Variants in HMX1 observed in about 807,000 individuals in gnomAD.
The protein encoded by HMX1 is homeobox protein HMX1.
Under a neutral mutation model 8.9 loss-of-function variants are expected in HMX1, and 8 were observed. The ratio of observed to expected loss-of-function variants is 0.90; its 90% CI spans 0.53 to 1.63. HMX1 has a LOEUF of 1.63. HMX1 is among the 40% of genes most tolerant of loss of function. The pLI is 0.00. For missense variants in HMX1, 621 were observed against 558.5 expected, an observed-to-expected ratio of 1.11 and a Z score of -1.13; for synonymous variants, 311 against 283.4, an observed-to-expected ratio of 1.10 and a Z score of -0.98.
intron 1 of HMX1, among the ~76,000 whole-genome samples, chr4:8,860,080 T>C (rs372039766): frequency 6.6e-6 from 1 of 152,144 alleles, no homozygotes; most frequent in Non-Finnish European, 1.5e-5. Flanking sequence ...CGAAGCCGAG[T>C]TCGTGGAGCG....
downstream of HMX1, among the ~76,000 whole-genome samples, chr4:8,866,549 C>A (rs1020345344): frequency 1.4e-4 from 22 of 152,256 alleles, no homozygotes; most frequent in East Asian, 3.8e-4. Flanking sequence ...CAGCTTTGTC[C>A]ACCACCTGAG....
intron 1 of HMX1, among the ~76,000 whole-genome samples, chr4:8,846,889 C>A (rs921935791): frequency 6.6e-6 from 1 of 152,214 alleles, no homozygotes; most frequent in Non-Finnish European, 1.5e-5. Context: ...CCCCTGATCT[C>A]CAGCATGTTG....
At position 8,849,447 on chromosome 4, in the gene HMX1, G is replaced by A. The variant is rs1721376066; in HGVS notation, c.395-3123C>T. Among the ~76,000 whole-genome samples the A allele has an allele frequency of 6.6e-6, 1 of 152,026 alleles. No homozygotes were observed. The highest frequency in any genetic ancestry group is 6.5e-5 in the Admixed American group (1 of 15,278). On this transcript the variant is annotated intron_variant, in intron 1 of 1. Coordinates refer to the HMX1 transcript ENST00000506970. This position sits in a 1 kb window ranked among gnomAD's most constrained non-coding sequence, Gnocchi z 6.6. The stretch of plus-strand genomic sequence containing the variant: ...GGCCTTGAGCCACAGATTGCCAGAT[G>A]CCATCAGAAGCTGGAGGGGGCAGGA...
At chr4:8,857,822 TTGCCCC>T (rs1318097323) in intron 1 of HMX1, among the ~76,000 whole-genome samples, 2 of 151,682 alleles carry the variant, frequency 1.3e-5, no homozygotes, top group Non-Finnish European at 2.9e-5. Context: ...CCCCTTGCCC[TTGCCCC>T]TGCCCAGAGA....
intron 1 of HMX1, among the ~76,000 whole-genome samples, chr4:8,859,335 C>G (rs1721718887): frequency 6.6e-6 from 1 of 152,168 alleles, no homozygotes; most frequent in African/African-American, 2.4e-5. Context: ...TCTCTAGTCC[C>G]GATTGACAGC....
chr4:8,849,582 T>A lies in HMX1; in HGVS notation c.395-3258A>T, dbSNP rs181201908. Reference sequence around the variant, plus strand: ...AAACATTTCAATTGTCTGAAGCCCATTGCCTGTGGCCCTTGGTCCCGGCAG... The same window carrying A: ...AAACATTTCAATTGTCTGAAGCCCAATGCCTGTGGCCCTTGGTCCCGGCAG... On this transcript the variant is annotated intron_variant, in intron 1 of 1. Transcript: ENST00000506970. The surrounding 1 kb of genome is among the most constrained non-coding windows in gnomAD (Gnocchi z 6.6). 1.2e-4 allele frequency among the ~76,000 whole-genome samples: 18 copies of A among 152,238 alleles called. No individual in the cohort carries two copies. In the East Asian group the frequency reaches 3.5e-3, roughly 30 times the overall value.
intron 1 of HMX1, among the ~76,000 whole-genome samples, chr4:8,859,265 A>G (rs1400113093): frequency 1.3e-5 from 2 of 150,828 alleles, no homozygotes; most frequent in Non-Finnish European, 2.9e-5. Context: ...ATTCTTGTCT[A>G]TATAAACAGT....
intron 1 of HMX1, chr4:8,846,460 G>C (rs769942653): frequency 2.7e-5 from 17 of 626,230 alleles, no homozygotes; most frequent in Non-Finnish European, 4.3e-5. Context: ...CAAACTACAG[G>C]GACCTAGGAC....
chr4:8,868,300 G>T lies in HMX1; in HGVS notation c.440C>A (p.Ala147Glu), dbSNP rs1434976169. 1.5e-5 allele frequency: 21 copies of T among 1,439,412 alleles called. No individual in the cohort carries two copies. The highest frequency in any genetic ancestry group is 1.8e-5 in the Non-Finnish European group (20 of 1,101,850). 89.2% of individuals were successfully genotyped at this position (1,439,412 alleles called of 1,614,324 possible). A position where few individuals can be genotyped will look rare whatever the true frequency, so the allele number is the denominator to read the frequency against. The change falls in exon 2 of 2, where the codon GCG becomes GAG. Residue 147 changes from alanine to glutamate, a missense_variant. Coordinates refer to ENST00000400677, the MANE Select transcript of HMX1 (RefSeq NM_018942.3). The surrounding 1 kb of genome is among the most constrained non-coding windows in gnomAD (Gnocchi z 4.6). The part of the protein sequence containing the change: ...SPETGEEMGR[A>E]EGAWPRGPGP... ...GGGGCCTCGCGGCCAGGCGCCCTCC[G>T]CACGGCCCATCTCCTCGCCCGTCTC... is the stretch of plus-strand genomic sequence containing the variant.
intron 1 of HMX1, chr4:8,860,584 G>A (rs140952541): frequency 0.2 from 30,016 of 152,392 alleles, 3,805 homozygotes; most frequent in East Asian, 0.61. Context: ...GAAGGGGCCA[G>A]GCGGCAGAGA....
intron 1 of HMX1, among the ~76,000 whole-genome samples, chr4:8,851,459 A>G (rs1230624350): frequency 6.6e-6 from 1 of 152,098 alleles, no homozygotes; most frequent in African/African-American, 2.4e-5. Context: ...CAGCCAGCAC[A>G]TTACTCCTAG....
intron 1 of HMX1, among the ~76,000 whole-genome samples, chr4:8,869,639 C>T (rs1183386078): frequency 6.6e-6 from 1 of 152,214 alleles, no homozygotes; most frequent in African/African-American, 2.4e-5. Flanking sequence ...GGTGTGTGCC[C>T]TCACAGCACC....
chr4:8,870,186 C>T lies in HMX1; in HGVS notation c.394+1035G>A, dbSNP rs1261966933. 2.6e-5 allele frequency among the ~76,000 whole-genome samples: 4 copies of T among 151,466 alleles called. No individual in the cohort carries two copies. The highest frequency in any genetic ancestry group is 7.3e-5 in the African/African-American group (3 of 41,120). On this transcript the variant is annotated intron_variant, in intron 1 of 1. Transcript: ENST00000400677. The surrounding 1 kb of genome is among the most constrained non-coding windows in gnomAD (Gnocchi z 4.4). ...AGAGCCGGAGCCTGCAGAGGGCCCA[C>T]GTCCTCAGCTGGCCTCAAGGTCCAA...
intron 1 of HMX1, among the ~76,000 whole-genome samples, chr4:8,852,994 A>T (rs916225414): frequency 1.3e-5 from 2 of 152,090 alleles, no homozygotes; most frequent in African/African-American, 4.8e-5. Context: ...GGCCAAAAAA[A>T]AAAAAGCAAG....
At position 8,849,075 on chromosome 4, in the gene HMX1, C is replaced by T. The variant is rs542432251; in HGVS notation, c.395-2751G>A. Among the ~76,000 whole-genome samples the T allele has an allele frequency of 5.9e-5, 9 of 152,162 alleles. No homozygotes were observed. Among genetic ancestry groups the T allele is most frequent in the African/African-American group, 9.6e-5 (4 of 41,544 alleles). On this transcript the variant is annotated intron_variant, in intron 1 of 1. Transcript: ENST00000506970. The surrounding 1 kb of genome is among the most constrained non-coding windows in gnomAD (Gnocchi z 6.6). ...CTCCTCCCCCTGCCCGCTGCTCCAT[C>T]GTGGACGTCTTCTCTCAGAGCCTCG...
Position 8,867,124 on chromosome 4 carries a change from C to G in HMX1, c.*569G>C, listed in dbSNP as rs906817764. 2 of 985,548 alleles carry G rather than the reference C, an allele frequency of 2.0e-6. No individual in the cohort carries two copies. Among genetic ancestry groups the G allele is most frequent in the African/African-American group, 1.7e-5 (1 of 57,388 alleles). 61.1% of individuals were successfully genotyped at this position (985,548 alleles called of 1,614,324 possible). On this transcript the variant is annotated 3_prime_UTR_variant, in exon 2 of 2. Transcript: ENST00000400677. The stretch of plus-strand genomic sequence containing the variant: ...AAAAACAACAACCCGGAGGCTGCGA[C>G]GTCTGCAGAGAGCCCCAGCCTGCCT...
chr4:8,866,780 C>G (rs1011590369), downstream of HMX1, among the ~76,000 whole-genome samples: 1 of 152,232 alleles, frequency 6.6e-6, no homozygotes. Flanking sequence ...TCCTGCCTTT[C>G]GGTTTCAGTC....
rs1721342838 is a variant in HMX1, at chr4:8,848,556, G to A, written c.395-2232C>T. Among the ~76,000 whole-genome samples the A allele has an allele frequency of 6.6e-6, 1 of 152,174 alleles. No homozygotes were observed. Among genetic ancestry groups the A allele is most frequent in the South Asian group, 2.1e-4 (1 of 4,830 alleles). Reference sequence around the variant, plus strand: ...CCAGAGAAGGCAAGTAAGTTGCCTGGGTCACACAGCATGTGGATGGAGCTG... The same window carrying A: ...CCAGAGAAGGCAAGTAAGTTGCCTGAGTCACACAGCATGTGGATGGAGCTG... On this transcript the variant is annotated intron_variant, in intron 1 of 1. Transcript: ENST00000506970. The surrounding 1 kb of genome is among the most constrained non-coding windows in gnomAD (Gnocchi z 4.1).
Position 8,871,212 on chromosome 4 carries a change from C to A in HMX1, c.394+9G>T. The A allele has an allele frequency of 1.4e-6, 2 of 1,432,038 alleles. No individual in the cohort carries two copies. Among genetic ancestry groups the A allele is most frequent in the Admixed American group, 2.9e-5 (1 of 35,018 alleles). The allele number at this position is 1,432,038 out of a possible 1,614,324, so 88.7% of individuals were successfully genotyped here. On this transcript the variant is annotated intron_variant, in intron 1 of 1. Transcript: ENST00000400677. This position sits in a 1 kb window ranked among gnomAD's most constrained non-coding sequence, Gnocchi z 4.8. ...CCGCCTGACCCACCCTCCCCGCGCC[C>A]TCACTCACTGTCAGGACTGAGGCCG...
Sources: allele counts gnomAD v4.1 joint callset (sites outside exome capture counted in the v4.1 genomes callset), GRCh38; gene constraint gnomAD v4.1.1; non-coding constraint Gnocchi (gnomAD v3.1); transcripts MANE v1.5; gene names NCBI Gene and HGNC (gene_info 2026-07-23, HGNC 2026-07-21).